KAZN: variants seen among roughly 807,000 people sequenced by gnomAD.
The protein encoded by KAZN is kazrin.
In KAZN, 40 loss-of-function variants were observed where a neutral mutation model predicts 87.4. The ratio of observed to expected loss-of-function variants is 0.46; its 90% CI spans 0.36 to 0.60. The LOEUF is 0.60. Ranked by LOEUF, KAZN falls within the 20% of genes least tolerant of loss-of-function variation. The pLI, the probability that KAZN is intolerant of heterozygous loss-of-function variation, is 0.00. For synonymous variants in KAZN, 466 were observed against 458.3 expected, an observed-to-expected ratio of 1.02 and a Z score of -0.22; for missense variants, 898 against 1,073.9, an observed-to-expected ratio of 0.84 and a Z score of 2.29.
intron 2 of KAZN, among the ~76,000 whole-genome samples, chr1:14,198,556 C>A (rs1037325223): frequency 1.3e-5 from 2 of 152,006 alleles, no homozygotes; most frequent in Non-Finnish European, 2.9e-5. Context: ...GCTGAGATTG[C>A]GCCATTGCAC....
chr1:14,286,690 T>G (rs548446146), intron 2 of KAZN, among the ~76,000 whole-genome samples: 2 of 152,278 alleles, frequency 1.3e-5, no homozygotes, highest in African/African-American at 4.8e-5. Flanking sequence ...TAAGCCCACT[T>G]TGTAGACATA....
chr1:14,070,131 T>G (rs943179900), intron 1 of KAZN, among the ~76,000 whole-genome samples: 3 of 132,446 alleles, frequency 2.3e-5, no homozygotes, highest in Non-Finnish European at 4.6e-5. Context: ...ATCGCACCAC[T>G]GCATTCCAGC....
At chr1:15,039,770 G>C (rs1325634961) in intron 3 of KAZN, among the ~76,000 whole-genome samples, 2 of 152,022 alleles carry the variant, frequency 1.3e-5, no homozygotes, top group African/African-American at 4.8e-5. Context: ...TAAGACATAG[G>C]TGACTAGGGG....
intron 2 of KAZN, among the ~76,000 whole-genome samples, chr1:14,266,441 T>A (rs1345916928): frequency 6.6e-6 from 1 of 152,238 alleles, no homozygotes; most frequent in Non-Finnish European, 1.5e-5. Flanking sequence ...CACACGCTAA[T>A]TGATACAAAC....
intron 1 of KAZN, among the ~76,000 whole-genome samples, chr1:13,928,849 T>TC (rs946339993): frequency 7.3e-5 from 11 of 151,620 alleles, no homozygotes; most frequent in Non-Finnish European, 1.2e-4. Context: ...AAGAAATCTT[T>TC]TTTTTTTTTC....
chr1:14,709,703 T>C (rs1220060584), intron 1 of KAZN, among the ~76,000 whole-genome samples: 2 of 152,110 alleles, frequency 1.3e-5, no homozygotes, highest in Non-Finnish European at 2.9e-5. Flanking sequence ...AGAGTGGGCG[T>C]AGTTGAGGGA....
intron 2 of KAZN, among the ~76,000 whole-genome samples, chr1:14,272,337 G>C (rs968839949): frequency 9.2e-5 from 14 of 152,168 alleles, no homozygotes; most frequent in African/African-American, 3.4e-4. Context: ...AACAGAAGCA[G>C]CCAGGCCTTT....
chr1:14,500,262 CAA>C (rs1432072691), intron 2 of KAZN, among the ~76,000 whole-genome samples: 3 of 152,054 alleles, frequency 2.0e-5, no homozygotes, highest in Admixed American at 2.0e-4. Flanking sequence ...GCTGGCATGT[CAA>C]AGAGCCAGAG....
chr1:14,950,594 G>A (rs904112568), intron 1 of KAZN, among the ~76,000 whole-genome samples: 2 of 152,138 alleles, frequency 1.3e-5, no homozygotes, highest in African/African-American at 2.4e-5. Flanking sequence ...AGCTTAGGAC[G>A]CTGCGAGCTG....
Position 14,820,239 on chromosome 1 carries a change from T to A in KAZN, c.227-140445T>A, listed in dbSNP as rs1037830777. Among the ~76,000 whole-genome samples the A allele has an allele frequency of 6.6e-6, 1 of 152,202 alleles. No individual in the cohort carries two copies. Among genetic ancestry groups the A allele is most frequent in the Non-Finnish European group, 1.5e-5 (1 of 68,040 alleles). On this transcript the variant is annotated intron_variant, in intron 1 of 14. Transcript: ENST00000376030. This position sits in a 1 kb window ranked among gnomAD's most constrained non-coding sequence, Gnocchi z 4.1. ...GGTGCTGCTGGTCAAAGATCACCATTAGAGCAATGCTGGATCATCTATTCA... is the reference window on the plus strand; with the variant it reads ...GGTGCTGCTGGTCAAAGATCACCATAAGAGCAATGCTGGATCATCTATTCA...
chr1:13,916,850 T>C (rs941574394), intron 1 of KAZN, among the ~76,000 whole-genome samples: 1 of 151,674 alleles, frequency 6.6e-6, no homozygotes, highest in South Asian at 2.1e-4. Flanking sequence ...TGGGGCCTCA[T>C]GGTTGAGGTG....
At chr1:14,519,615 G>A (rs775268193) in intron 2 of KAZN, among the ~76,000 whole-genome samples, 7 of 152,134 alleles carry the variant, frequency 4.6e-5, no homozygotes, top group East Asian at 1.9e-4. Context: ...GCCAGGGCAC[G>A]AGAGAGATAT....
At chr1:14,097,078 G>A (rs968403053) in intron 1 of KAZN, among the ~76,000 whole-genome samples, 4 of 152,206 alleles carry the variant, frequency 2.6e-5, no homozygotes, top group Non-Finnish European at 4.4e-5. Context: ...GACCTTTAGA[G>A]GTGTAGGGGA....
At chr1:14,892,473 C>G (rs774893620) in intron 1 of KAZN, among the ~76,000 whole-genome samples, 7 of 151,604 alleles carry the variant, frequency 4.6e-5, no homozygotes, top group Non-Finnish European at 8.8e-5. Flanking sequence ...GGCCTGTAAT[C>G]TCAGGCTTGT....
chr1:14,486,219 T>C (rs1339772900), intron 2 of KAZN, among the ~76,000 whole-genome samples: 1 of 152,064 alleles, frequency 6.6e-6, no homozygotes, highest in African/African-American at 2.4e-5. Flanking sequence ...AAATGAAAAA[T>C]AAGTTTAAAG....
At chr1:14,795,000 C>CT (rs772775808) in intron 1 of KAZN, among the ~76,000 whole-genome samples, 2 of 152,170 alleles carry the variant, frequency 1.3e-5, no homozygotes, top group African/African-American at 2.4e-5. Context: ...AGTTCTTCAG[C>CT]TTTTGGACTC....
chr1:14,155,881 C>T (rs1026633146), intron 1 of KAZN, among the ~76,000 whole-genome samples: 2 of 152,096 alleles, frequency 1.3e-5, no homozygotes, highest in Admixed American at 1.3e-4. Flanking sequence ...AACTCCTGGC[C>T]TCATGTGATC....
intron 2 of KAZN, among the ~76,000 whole-genome samples, chr1:14,312,642 G>C (rs2100815768): frequency 6.6e-6 from 1 of 152,198 alleles, no homozygotes; most frequent in African/African-American, 2.4e-5. Flanking sequence ...CTTTGAGTTT[G>C]TACTGGGCGT....
rs905847574 is a variant in KAZN at position 15,099,219 on chromosome 1, C to G, written c.1548-2324C>G. Reference sequence around the variant, plus strand: ...AAGGAGAGTGAAGCCAAGCTGCAAGCCCATCCTGCTCTTAGCCATTATTCC... The same window carrying G: ...AAGGAGAGTGAAGCCAAGCTGCAAGGCCATCCTGCTCTTAGCCATTATTCC... On this transcript the variant is annotated intron_variant, in intron 10 of 14. Transcript: ENST00000376030. The surrounding 1 kb of genome is among the most constrained non-coding windows in gnomAD (Gnocchi z 5.4). Among the ~76,000 whole-genome samples the G allele has an allele frequency of 6.6e-6, 1 of 152,176 alleles. No homozygotes were observed. Among genetic ancestry groups the G allele is most frequent in the African/African-American group, 2.4e-5 (1 of 41,448 alleles).
Sources: allele counts gnomAD v4.1 joint callset (sites outside exome capture counted in the v4.1 genomes callset), GRCh38; gene constraint gnomAD v4.1.1; non-coding constraint Gnocchi (gnomAD v3.1); transcripts MANE v1.5; gene names NCBI Gene and HGNC (gene_info 2026-07-23, HGNC 2026-07-21).